Variants in ATP10A observed in about 807,000 individuals in gnomAD.
ATP10A encodes phospholipid-transporting ATPase VA.
ATP10A carries 111 observed loss-of-function variants against 147.8 expected under a neutral mutation model. The observed-to-expected ratio is 0.75, with a 90% confidence interval of 0.64 to 0.88. The LOEUF (loss-of-function observed/expected upper bound fraction) is 0.88. Ranked by LOEUF, ATP10A falls within the 40% of genes least tolerant of loss-of-function variation. The probability of loss-of-function intolerance (pLI) is 0.00; values close to 1 mark genes in which losing one functional copy is unlikely to be tolerated. For missense variants in ATP10A, 1,927 were observed against 1,959.0 expected (o/e 0.98, Z 0.31); for synonymous variants, 875 against 841.6 (o/e 1.04, Z -0.69).
chr15:25,728,674 G>A (rs1437800815), intron 3 of ATP10A, among the ~76,000 whole-genome samples: 1 of 152,198 alleles, frequency 6.6e-6, no homozygotes, highest in African/African-American at 2.4e-5. Context: ...TTCAGGTTAT[G>A]CTTATTAAGG....
intron 10 of ATP10A, chr15:25,710,068 G>T (rs142191734): frequency 1.3e-5 from 2 of 152,276 alleles, no homozygotes; most frequent in African/African-American, 4.8e-5. Flanking sequence ...AAGTGATGCT[G>T]GGGGTGGCTG....
chr15:25,776,192 A>C (rs1172304862), intron 2 of ATP10A, among the ~76,000 whole-genome samples: 1 of 152,208 alleles, frequency 6.6e-6, no homozygotes, highest in Non-Finnish European at 1.5e-5. Flanking sequence ...AAATGTTACA[A>C]ATGAACTAGA....
chr15:25,757,248 G>T (rs1282667824), intron 2 of ATP10A, among the ~76,000 whole-genome samples: 1 of 152,120 alleles, frequency 6.6e-6, no homozygotes, highest in Non-Finnish European at 1.5e-5. Context: ...CAATTGTTCT[G>T]TGAGGAAGTT....
intron 2 of ATP10A, among the ~76,000 whole-genome samples, chr15:25,776,306 G>A (rs1252561609): frequency 6.6e-6 from 1 of 152,158 alleles, no homozygotes; most frequent in East Asian, 1.9e-4. Flanking sequence ...GGAGGAACCC[G>A]CTCCGAATCC....
intron 1 of ATP10A, among the ~76,000 whole-genome samples, chr15:25,833,128 G>A (rs1203728920): frequency 2.6e-5 from 4 of 151,594 alleles, no homozygotes; most frequent in South Asian, 4.2e-4. Context: ...GATTAGAGGC[G>A]GACATTACCA....
intron 2 of ATP10A, among the ~76,000 whole-genome samples, chr15:25,776,656 T>C (rs1284442662): frequency 3.9e-5 from 6 of 152,154 alleles, no homozygotes; most frequent in Admixed American, 2.6e-4. Flanking sequence ...AGAAGTGAAA[T>C]AGCTGGGTGA....
downstream of ATP10A, among the ~76,000 whole-genome samples, chr15:25,674,229 T>C (rs1271510223): frequency 2.0e-5 from 3 of 152,246 alleles, no homozygotes; most frequent in South Asian, 4.1e-4. Flanking sequence ...GAGCCACCCA[T>C]GCACCGTGGG....
intron 13 of ATP10A, among the ~76,000 whole-genome samples, chr15:25,699,803 G>C (rs149025854): frequency 8.5e-5 from 13 of 152,262 alleles, no homozygotes; most frequent in African/African-American, 2.4e-4. Flanking sequence ...GGGAGGTTGA[G>C]GCTGTAATGA....
At chr15:25,703,720 C>T (rs1900805435) in intron 12 of ATP10A, among the ~76,000 whole-genome samples, 1 of 152,210 alleles carries the variant, frequency 6.6e-6, no homozygotes, top group Admixed American at 6.5e-5. Context: ...AGTCACATAC[C>T]AGTGTCACCA....
At chr15:25,699,555 G>A (rs1298185229) in intron 13 of ATP10A, among the ~76,000 whole-genome samples, 1 of 152,072 alleles carries the variant, frequency 6.6e-6, no homozygotes, top group African/African-American at 2.4e-5. Context: ...CCAAATGCAT[G>A]ATACATAAAA....
intron 2 of ATP10A, among the ~76,000 whole-genome samples, chr15:25,752,312 T>C (rs1222833225): frequency 6.6e-6 from 1 of 152,198 alleles, no homozygotes; most frequent in Non-Finnish European, 1.5e-5. Context: ...GAAATACTAT[T>C]CAGCTTTAAA....
chr15:25,697,366 A>G (rs1412003174), intron 13 of ATP10A, among the ~76,000 whole-genome samples: 3 of 152,236 alleles, frequency 2.0e-5, no homozygotes, highest in Non-Finnish European at 4.4e-5. Context: ...TCATAACATA[A>G]TATTCGAAAT....
intron 2 of ATP10A, among the ~76,000 whole-genome samples, chr15:25,753,596 C>A (rs1219961276): frequency 6.6e-6 from 1 of 151,596 alleles, no homozygotes; most frequent in South Asian, 2.1e-4. Flanking sequence ...AATTTTTGCT[C>A]CATTTTTCAA....
At chr15:25,696,588 G>A (rs528814032) in intron 13 of ATP10A, among the ~76,000 whole-genome samples, 4 of 152,322 alleles carry the variant, frequency 2.6e-5, no homozygotes, top group East Asian at 1.9e-4. Context: ...CCGATGGACC[G>A]GGAGAGGAGA....
chr15:25,697,847 T>A (rs1372867433), intron 13 of ATP10A, among the ~76,000 whole-genome samples: 1 of 152,164 alleles, frequency 6.6e-6, no homozygotes, highest in Non-Finnish European at 1.5e-5. Flanking sequence ...GTACCCTTGA[T>A]AGGATATGAT....
At chr15:25,703,520 A>G (rs1900795351) in intron 12 of ATP10A, among the ~76,000 whole-genome samples, 1 of 152,188 alleles carries the variant, frequency 6.6e-6, no homozygotes, top group African/African-American at 2.4e-5. Context: ...CAAAACTCTA[A>G]GAAGTAAATG....
intron 1 of ATP10A, among the ~76,000 whole-genome samples, chr15:25,816,902 A>C (rs1330507784): frequency 2.0e-5 from 3 of 152,174 alleles, no homozygotes; most frequent in Non-Finnish European, 2.9e-5. Context: ...AACAAACAAA[A>C]AAAATTCTGT....
rs1483973510 is a variant in ATP10A, at chr15:25,721,625, C to A, written c.1363+32G>T. On this transcript the variant is annotated intron_variant, in intron 7 of 20. Coordinates refer to ENST00000555815, the MANE Select transcript of ATP10A (RefSeq NM_024490.4). ...GGATAGGGCAGCTTTCTGGTTCAGC[C>A]TGGGTTGGGAGCCCCGCACCCCCAG... 4 of 1,596,538 alleles carry A rather than the reference C, an allele frequency of 2.5e-6. No homozygotes were observed. The African/African-American group carries it at 5.4e-5, about 21-fold the overall frequency.
chr15:25,788,183 G>A lies in ATP10A; in HGVS notation c.450-6960C>T, dbSNP rs553249021. Among the ~76,000 whole-genome samples, 16 of 152,226 alleles carry A rather than the reference G, an allele frequency of 1.1e-4. No individual in the cohort carries two copies. In the South Asian group the frequency reaches 3.1e-3, roughly 30 times the overall value. On this transcript the variant is annotated intron_variant, in intron 1 of 20. Coordinates refer to ENST00000555815, the MANE Select transcript of ATP10A (RefSeq NM_024490.4). ...AAATCCCTCCTGCAGGAAACATGTAGGAGCAGCACTAAACAGCTGGCTTTG... is the reference window on the plus strand; with the variant it reads ...AAATCCCTCCTGCAGGAAACATGTAAGAGCAGCACTAAACAGCTGGCTTTG...
Sources: allele counts gnomAD v4.1 joint callset (sites outside exome capture counted in the v4.1 genomes callset), GRCh38; gene constraint gnomAD v4.1.1; transcripts MANE v1.5; gene names NCBI Gene and HGNC (gene_info 2026-07-23, HGNC 2026-07-21).